The following PPP2R2B variants were observed in gnomAD, a reference collection of about 807,000 sequenced individuals.
The protein encoded by PPP2R2B is protein phosphatase 2 regulatory subunit Bbeta.
A neutral mutation model predicts 46.0 loss-of-function variants in PPP2R2B; 5 were observed. That is an observed-to-expected ratio of 0.11 (90% CI 0.06 to 0.23). The LOEUF is 0.23. PPP2R2B is among the 10% of genes least tolerant of loss of function. The probability of loss-of-function intolerance (pLI) is 1.00; values close to 1 mark genes in which losing one functional copy is unlikely to be tolerated. For synonymous variants in PPP2R2B, 215 were observed against 206.7 expected, an observed-to-expected ratio of 1.04 and a Z score of -0.34; for missense variants, 367 against 575.0, an observed-to-expected ratio of 0.64 and a Z score of 3.70.
chr5:146,878,626 C>T lies in PPP2R2B; in HGVS notation c.-160G>A. ...TGAGGGTGCTGGTCCCACGGGAGGGCGGCTCCGGCAGGCGGGGGTAGGGAA... is the reference window on the plus strand; with the variant it reads ...TGAGGGTGCTGGTCCCACGGGAGGGTGGCTCCGGCAGGCGGGGGTAGGGAA... On this transcript the variant is annotated 5_prime_UTR_variant, in exon 1 of 10. Transcript: ENST00000394411. This position sits in a 1 kb window ranked among gnomAD's most constrained non-coding sequence, Gnocchi z 4.5. 2 of 1,243,974 alleles carry T rather than the reference C, an allele frequency of 1.6e-6. No individual in the cohort carries two copies. Among genetic ancestry groups the T allele is most frequent in the South Asian group, 1.5e-5 (1 of 66,388 alleles). The allele number at this position is 1,243,974 out of a possible 1,614,324, so 77.1% of individuals were successfully genotyped here.
chr5:146,991,866 T>G (rs1580765939), intron 1 of PPP2R2B, among the ~76,000 whole-genome samples: 1 of 152,052 alleles, frequency 6.6e-6, no homozygotes, highest in African/African-American at 2.4e-5. Flanking sequence ...TAAAATAAAC[T>G]GTAGAAGACA....
intron 8 of PPP2R2B, among the ~76,000 whole-genome samples, chr5:146,594,161 T>C (rs1246380700): frequency 6.6e-6 from 1 of 152,222 alleles, no homozygotes; most frequent in African/African-American, 2.4e-5. Flanking sequence ...GAGTAGACTC[T>C]GAGGTGAAAG....
At position 146,878,427 on chromosome 5, in the gene PPP2R2B, A is replaced by G. The variant is rs1284899584; in HGVS notation, c.-125+164T>C. 2.8e-6 allele frequency: 4 copies of G among 1,413,652 alleles called. No homozygotes were observed. Among genetic ancestry groups the G allele is most frequent in the Non-Finnish European group, 3.7e-6 (4 of 1,087,156 alleles). 87.6% of individuals were successfully genotyped at this position (1,413,652 alleles called of 1,614,324 possible). On this transcript the variant is annotated intron_variant, in intron 1 of 9. Coordinates refer to ENST00000394411, the MANE Select transcript of PPP2R2B (RefSeq NM_181675.4). This position sits in a 1 kb window ranked among gnomAD's most constrained non-coding sequence, Gnocchi z 4.5. ...CCCGCCCGCCCCGGAGGCGCTCACA[A>G]GCGGGTCTGGGGAGATGCCCAACAG...
intron 6 of PPP2R2B, among the ~76,000 whole-genome samples, chr5:146,641,292 C>T (rs322499): frequency 0.02 from 3,097 of 152,212 alleles, 97 homozygotes; most frequent in African/African-American, 0.069. Context: ...CTCCAGAGCC[C>T]GGGTTCTTTC....
At chr5:146,626,566 T>C (rs1774078447) in intron 7 of PPP2R2B, among the ~76,000 whole-genome samples, 1 of 152,170 alleles carries the variant, frequency 6.6e-6, no homozygotes, top group Admixed American at 6.5e-5. Flanking sequence ...TTCTGGGCAT[T>C]TCCTTGACTG....
At chr5:146,923,771 A>T (rs188714850) in intron 1 of PPP2R2B, among the ~76,000 whole-genome samples, 5 of 152,326 alleles carry the variant, frequency 3.3e-5, no homozygotes, top group Non-Finnish European at 7.4e-5. Context: ...ACATGCACAC[A>T]TATGTTTATT....
intron 1 of PPP2R2B, among the ~76,000 whole-genome samples, chr5:147,002,407 C>G (rs1421663363): frequency 6.6e-6 from 1 of 152,130 alleles, no homozygotes; most frequent in African/African-American, 2.4e-5. Flanking sequence ...CTCTGGAGAT[C>G]CCTTCCATCC....
chr5:146,889,547 G>C lies in PPP2R2B; in HGVS notation c.79+166118C>G, dbSNP rs145408779. Reference sequence around the variant, plus strand: ...GTCACATGGCAGGAGGTTAATGGCAGGGGGGTAATGCATGAGGTCAATGGC... The same window carrying C: ...GTCACATGGCAGGAGGTTAATGGCACGGGGGTAATGCATGAGGTCAATGGC... On this transcript the variant is annotated intron_variant, in intron 1 of 8. Coordinates refer to the PPP2R2B transcript ENST00000336640. Among the ~76,000 whole-genome samples, 581 of 151,800 alleles carry C rather than the reference G, an allele frequency of 3.8e-3. 2 individuals carry two copies. The highest frequency in any genetic ancestry group is 0.013 in the African/African-American group (525 of 41,116).
chr5:146,618,064 T>A (rs1773359820), intron 7 of PPP2R2B, among the ~76,000 whole-genome samples: 1 of 152,152 alleles, frequency 6.6e-6, no homozygotes, highest in Admixed American at 6.5e-5. Context: ...GTCTACACCC[T>A]AATCCCTAGA....
At chr5:146,718,836 G>A (rs1227502808) in intron 2 of PPP2R2B, among the ~76,000 whole-genome samples, 4 of 152,188 alleles carry the variant, frequency 2.6e-5, no homozygotes, top group African/African-American at 9.6e-5. Context: ...TTCTGGATTA[G>A]ACAGTTCATT....
chr5:147,009,971 T>A (rs1320225994), intron 1 of PPP2R2B, among the ~76,000 whole-genome samples: 1 of 151,948 alleles, frequency 6.6e-6, no homozygotes, highest in Non-Finnish European at 1.5e-5. Flanking sequence ...ACAGAGGTGT[T>A]GTGACTATTA....
intron 2 of PPP2R2B, among the ~76,000 whole-genome samples, chr5:146,729,862 A>C (rs1752121107): frequency 1.3e-5 from 2 of 152,216 alleles, no homozygotes; most frequent in African/African-American, 4.8e-5. Flanking sequence ...GCCCTCATGG[A>C]GAACCTCTGC....
chr5:146,796,206 G>A (rs1582123454), intron 2 of PPP2R2B, among the ~76,000 whole-genome samples: 1 of 151,980 alleles, frequency 6.6e-6, no homozygotes, highest in Non-Finnish European at 1.5e-5. Flanking sequence ...ATCCAATTGG[G>A]CAATGAAAAA....
intron 5 of PPP2R2B, among the ~76,000 whole-genome samples, chr5:146,669,583 C>A (rs900286018): frequency 2.0e-5 from 3 of 151,814 alleles, no homozygotes; most frequent in African/African-American, 7.3e-5. Flanking sequence ...GTATTTTTAC[C>A]AAACCTGGTG....
At chr5:146,829,600 T>A (rs1236205024) in intron 2 of PPP2R2B, among the ~76,000 whole-genome samples, 2 of 152,182 alleles carry the variant, frequency 1.3e-5, no homozygotes, top group Non-Finnish European at 2.9e-5. Flanking sequence ...GTATGTTAAG[T>A]ACCTGCAGTG....
intron 1 of PPP2R2B, among the ~76,000 whole-genome samples, chr5:147,031,459 A>T (rs141374940): frequency 7.1e-6 from 1 of 141,632 alleles, no homozygotes; most frequent in African/African-American, 2.7e-5. Flanking sequence ...CAGTTCTACT[A>T]TGATGTGTCT....
At chr5:146,700,514 G>T (rs908928737) in intron 3 of PPP2R2B, among the ~76,000 whole-genome samples, 3 of 152,138 alleles carry the variant, frequency 2.0e-5, no homozygotes, top group African/African-American at 7.2e-5. Flanking sequence ...AGGGCCCTCT[G>T]TGTCACCTAC....
intron 1 of PPP2R2B, among the ~76,000 whole-genome samples, chr5:146,920,630 G>A (rs992098950): frequency 6.6e-6 from 1 of 152,188 alleles, no homozygotes; most frequent in Admixed American, 6.5e-5. Flanking sequence ...GGCTTTTCAT[G>A]ATGGCTTGCT....
At chr5:146,702,420 G>A (rs1779595110) in intron 2 of PPP2R2B, among the ~76,000 whole-genome samples, 1 of 152,100 alleles carries the variant, frequency 6.6e-6, no homozygotes, top group Non-Finnish European at 1.5e-5. Flanking sequence ...TTGATTTCTT[G>A]TTTTGACTTC....
Sources: gnomAD v4.1 joint callset for allele counts (sites outside exome capture counted in the v4.1 genomes callset) on GRCh38, gnomAD v4.1.1 for gene constraint, Gnocchi (gnomAD v3.1) non-coding constraint, MANE v1.5 for transcripts, NCBI Gene and HGNC (gene_info 2026-07-23, HGNC 2026-07-21) for gene names.